The following TMEM108 variants were observed in gnomAD, a reference collection of about 807,000 sequenced individuals.
The protein encoded by TMEM108 is transmembrane protein 108.
TMEM108 carries 12 observed loss-of-function variants against 35.1 expected under a neutral mutation model. That is an observed-to-expected ratio of 0.34 (90% CI 0.22 to 0.55). The LOEUF is 0.55. TMEM108 is among the 20% of genes least tolerant of loss of function. The pLI is 0.89. For missense variants in TMEM108, 680 were observed against 753.3 expected (o/e 0.90, Z 1.14); for synonymous variants, 287 against 308.6 (o/e 0.93, Z 0.73).
intron 2 of TMEM108, among the ~76,000 whole-genome samples, chr3:133,131,171 C>T (rs1229046931): frequency 1.3e-5 from 2 of 152,080 alleles, no homozygotes; most frequent in African/African-American, 4.8e-5. Context: ...AAGGCAATTG[C>T]ACTTAAGATT....
At chr3:133,170,109 G>A (rs1279505274) in intron 2 of TMEM108, among the ~76,000 whole-genome samples, 1 of 152,064 alleles carries the variant, frequency 6.6e-6, no homozygotes, top group East Asian at 1.9e-4. Flanking sequence ...GGTAAGAGAT[G>A]ACTTAATGTT....
At chr3:133,208,892 A>G (rs914454080) in intron 2 of TMEM108, among the ~76,000 whole-genome samples, 5 of 152,180 alleles carry the variant, frequency 3.3e-5, no homozygotes. Flanking sequence ...CTACTCTAGA[A>G]GATAACAACT....
chr3:133,268,676 A>G (rs1946731073), intron 3 of TMEM108, among the ~76,000 whole-genome samples: 2 of 152,218 alleles, frequency 1.3e-5, no homozygotes, highest in African/African-American at 4.8e-5. Context: ...CCATGTAAAT[A>G]AATGTTGCCA....
At chr3:133,324,730 C>T (rs2071309054) in intron 3 of TMEM108, among the ~76,000 whole-genome samples, 1 of 152,184 alleles carries the variant, frequency 6.6e-6, no homozygotes, top group Non-Finnish European at 1.5e-5. Context: ...GTAATCCCAG[C>T]ACTTTGGGAG....
intron 3 of TMEM108, among the ~76,000 whole-genome samples, chr3:133,272,617 A>G (rs548150587): frequency 1.3e-5 from 2 of 152,244 alleles, no homozygotes; most frequent in South Asian, 2.1e-4. Flanking sequence ...ATCTGTCAGC[A>G]TAGTGGGATG....
chr3:133,392,360 G>A (rs533254129), intron 5 of TMEM108, among the ~76,000 whole-genome samples: 6 of 151,354 alleles, frequency 4.0e-5, no homozygotes, highest in South Asian at 2.1e-4. Context: ...ACAGGGTTTC[G>A]CTATGTTGGC....
At chr3:133,048,645 C>T (rs1397702024) in intron 2 of TMEM108, among the ~76,000 whole-genome samples, 1 of 152,204 alleles carries the variant, frequency 6.6e-6, no homozygotes, top group Non-Finnish European at 1.5e-5. Context: ...GATTATTAGA[C>T]TTGCTTACAA....
chr3:133,063,406 AC>A (rs1425958794), intron 2 of TMEM108, among the ~76,000 whole-genome samples: 1 of 152,070 alleles, frequency 6.6e-6, no homozygotes, highest in African/African-American at 2.4e-5. Flanking sequence ...GATAAAGATA[AC>A]CCACTCTACC....
intron 3 of TMEM108, among the ~76,000 whole-genome samples, chr3:133,257,342 G>A (rs191753122): frequency 6.6e-6 from 1 of 152,268 alleles, no homozygotes; most frequent in East Asian, 1.9e-4. Context: ...ATGTTGCTGT[G>A]GACAGATTAC....
At chr3:133,309,506 T>G (rs1003230480) in intron 3 of TMEM108, among the ~76,000 whole-genome samples, 1 of 152,114 alleles carries the variant, frequency 6.6e-6, no homozygotes, top group Non-Finnish European at 1.5e-5. Flanking sequence ...TTTAGTGTTA[T>G]AAATTTCCCT....
chr3:133,051,489 T>G (rs1006457260), intron 2 of TMEM108, among the ~76,000 whole-genome samples: 1 of 152,160 alleles, frequency 6.6e-6, no homozygotes, highest in Non-Finnish European at 1.5e-5. Flanking sequence ...GACCTGATGT[T>G]TCAGAGAACA....
chr3:133,040,438 C>T (rs1000493505), intron 1 of TMEM108, among the ~76,000 whole-genome samples: 6 of 151,748 alleles, frequency 4.0e-5, no homozygotes, highest in Non-Finnish European at 7.4e-5. Flanking sequence ...CTCCTGACCT[C>T]GTGATCCACC....
At chr3:133,103,437 G>A (rs911110179) in intron 2 of TMEM108, among the ~76,000 whole-genome samples, 13 of 152,168 alleles carry the variant, frequency 8.5e-5, no homozygotes, top group African/African-American at 3.1e-4. Context: ...CTTTCAGAGG[G>A]TGGAGGGTGG....
At chr3:133,148,504 A>G (rs1240227619) in intron 2 of TMEM108, among the ~76,000 whole-genome samples, 1 of 152,208 alleles carries the variant, frequency 6.6e-6, no homozygotes, top group Admixed American at 6.5e-5. Context: ...GACTGCTTAC[A>G]TCATATCATT....
At chr3:133,311,982 T>G (rs1168179786) in intron 3 of TMEM108, among the ~76,000 whole-genome samples, 3 of 152,244 alleles carry the variant, frequency 2.0e-5, no homozygotes, top group Non-Finnish European at 4.4e-5. Flanking sequence ...CAGCTGCAGG[T>G]CTGTTGGAGT....
intron 3 of TMEM108, among the ~76,000 whole-genome samples, chr3:133,278,849 G>A (rs574013287): frequency 1.3e-5 from 2 of 152,034 alleles, no homozygotes; most frequent in African/African-American, 2.4e-5. Flanking sequence ...GGGATAAAAC[G>A]AATAATGCAG....
chr3:133,129,356 C>A lies in TMEM108; in HGVS notation c.-47+83336C>A, dbSNP rs1354952372. ...CAAGACTCCGCACCCACACCCCCCC[C>A]CCCAAAAAAAAATAAACGAAACACT... On this transcript the variant is annotated intron_variant, in intron 2 of 5. Coordinates refer to ENST00000321871, the MANE Select transcript of TMEM108 (RefSeq NM_023943.4). 3.0e-5 allele frequency among the ~76,000 whole-genome samples: 4 copies of A among 134,558 alleles called. No individual in the cohort carries two copies. In the East Asian group the frequency reaches 8.5e-4, roughly 29 times the overall value. 88.3% of individuals were successfully genotyped at this position (134,558 alleles called of 152,430 possible).
intron 2 of TMEM108, among the ~76,000 whole-genome samples, chr3:133,135,284 A>G (rs1474082988): frequency 2.0e-5 from 3 of 152,148 alleles, no homozygotes; most frequent in African/African-American, 7.2e-5. Flanking sequence ...GCTCACTCCC[A>G]TACAATATGT....
chr3:133,114,010 T>C (rs1374672272), intron 2 of TMEM108, among the ~76,000 whole-genome samples: 2 of 152,196 alleles, frequency 1.3e-5, no homozygotes, highest in African/African-American at 4.8e-5. Flanking sequence ...GAAGTGAAAG[T>C]AGCCTGCATT....
Sources: allele counts gnomAD v4.1 joint callset (sites outside exome capture counted in the v4.1 genomes callset), GRCh38; gene constraint gnomAD v4.1.1; transcripts MANE v1.5; gene names NCBI Gene and HGNC (gene_info 2026-07-23, HGNC 2026-07-21).